The following GRM8 variants were observed in gnomAD, a reference collection of about 807,000 sequenced individuals.
The protein encoded by GRM8 is glutamate metabotropic receptor 8.
GRM8 carries 47 observed loss-of-function variants against 87.2 expected under a neutral mutation model. The ratio of observed to expected loss-of-function variants is 0.54; its 90% CI spans 0.43 to 0.69. GRM8 has a LOEUF of 0.69. GRM8 is among the 30% of genes least tolerant of loss of function. The probability of loss-of-function intolerance (pLI) is 0.00; values close to 1 mark genes in which losing one functional copy is unlikely to be tolerated. For synonymous variants in GRM8, 396 were observed against 404.5 expected, an observed-to-expected ratio of 0.98 and a Z score of 0.25; for missense variants, 1,019 against 1,139.2, an observed-to-expected ratio of 0.89 and a Z score of 1.52.
chr7:126,467,805 A>C (rs1260394855), intron 9 of GRM8, among the ~76,000 whole-genome samples: 1 of 152,104 alleles, frequency 6.6e-6, no homozygotes, highest in Non-Finnish European at 1.5e-5. Context: ...GCATACAAAT[A>C]TTCAGGCAAA....
intron 3 of GRM8, among the ~76,000 whole-genome samples, chr7:126,965,556 T>G (rs1004928323): frequency 1.2e-4 from 18 of 152,144 alleles, no homozygotes; most frequent in Non-Finnish European, 2.4e-4. Context: ...ATTTAAATTT[T>G]TAGTATAATA....
intron 3 of GRM8, among the ~76,000 whole-genome samples, chr7:127,017,969 T>C (rs750329708): frequency 6.6e-6 from 1 of 152,056 alleles, no homozygotes; most frequent in African/African-American, 2.4e-5. Context: ...CAAATATTTA[T>C]TGAGAATCCA....
At chr7:126,928,170 A>T (rs555536242) in intron 3 of GRM8, among the ~76,000 whole-genome samples, 1 of 141,306 alleles carries the variant, frequency 7.1e-6, no homozygotes. Context: ...TTGAACAATA[A>T]GAACACATGG....
At chr7:127,150,304 T>C (rs916503936) in intron 2 of GRM8, among the ~76,000 whole-genome samples, 2 of 152,024 alleles carry the variant, frequency 1.3e-5, no homozygotes, top group Admixed American at 1.3e-4. Context: ...GGCATTGCAA[T>C]GGCAGGGACT....
chr7:126,758,933 T>A (rs1035236653), intron 7 of GRM8, among the ~76,000 whole-genome samples: 1 of 152,130 alleles, frequency 6.6e-6, no homozygotes, highest in Admixed American at 6.6e-5. Flanking sequence ...AGTCTCCCTC[T>A]GTCACCCAGG....
chr7:127,082,960 G>A (rs1823032042), intron 3 of GRM8, among the ~76,000 whole-genome samples: 1 of 152,128 alleles, frequency 6.6e-6, no homozygotes, highest in South Asian at 2.1e-4. Flanking sequence ...CTTTAGTCAG[G>A]GTTCTCCACA....
chr7:126,600,239 A>T (rs747374106), intron 8 of GRM8, among the ~76,000 whole-genome samples: 1 of 152,156 alleles, frequency 6.6e-6, no homozygotes, highest in Non-Finnish European at 1.5e-5. Flanking sequence ...GATATCTGGA[A>T]ATACAGTTGA....
intron 3 of GRM8, chr7:127,058,042 T>C: frequency 2.6e-6 from 1 of 378,604 alleles, no homozygotes; most frequent in Non-Finnish European, 5.6e-6. Flanking sequence ...ATTGTAGATT[T>C]GTTGCTCAGT....
intron 7 of GRM8, among the ~76,000 whole-genome samples, chr7:126,619,159 T>C (rs962358970): frequency 6.6e-6 from 1 of 152,162 alleles, no homozygotes; most frequent in African/African-American, 2.4e-5. Flanking sequence ...ATTAAGAAAA[T>C]GTGGCACATA....
chr7:126,762,896 A>G (rs1817738333), intron 7 of GRM8, among the ~76,000 whole-genome samples: 1 of 152,000 alleles, frequency 6.6e-6, no homozygotes, highest in East Asian at 1.9e-4. Flanking sequence ...TTTAGTAACT[A>G]TAAATGTTTA....
chr7:127,029,621 T>C (rs1271100468), intron 3 of GRM8, among the ~76,000 whole-genome samples: 1 of 152,036 alleles, frequency 6.6e-6, no homozygotes, highest in African/African-American at 2.4e-5. Flanking sequence ...CTTTGTTGGT[T>C]TAAAGTCTGT....
intron 2 of GRM8, among the ~76,000 whole-genome samples, chr7:127,177,866 T>A (rs1794206094): frequency 6.6e-6 from 1 of 152,124 alleles, no homozygotes; most frequent in African/African-American, 2.4e-5. Flanking sequence ...CAGCCCTAGA[T>A]CTTCCCTCTG....
intron 8 of GRM8, among the ~76,000 whole-genome samples, chr7:126,544,138 G>T (rs949788955): frequency 6.6e-6 from 1 of 152,146 alleles, no homozygotes; most frequent in African/African-American, 2.4e-5. Context: ...ATCTGTTGAT[G>T]TGTTTATTTC....
At chr7:126,763,413 TA>T (rs66977109) in intron 7 of GRM8, among the ~76,000 whole-genome samples, 52,120 of 143,376 alleles carry the variant, frequency 0.36, 10,943 homozygotes, top group Non-Finnish European at 0.46. Flanking sequence ...CAGTGAGTTC[TA>T]AAAGCCACCA....
At chr7:126,582,378 G>A (rs1023882229) in intron 8 of GRM8, among the ~76,000 whole-genome samples, 1 of 152,100 alleles carries the variant, frequency 6.6e-6, no homozygotes, top group African/African-American at 2.4e-5. Flanking sequence ...CATAAGAAAA[G>A]CTCGAAGACA....
intron 7 of GRM8, among the ~76,000 whole-genome samples, chr7:126,635,790 A>C (rs953899141): frequency 6.6e-6 from 1 of 152,168 alleles, no homozygotes; most frequent in African/African-American, 2.4e-5. Flanking sequence ...ACTGCTACTC[A>C]GATCACAGAC....
chr7:126,693,823 C>G (rs61757776), intron 7 of GRM8, among the ~76,000 whole-genome samples: 6,649 of 152,058 alleles, frequency 0.044, 424 homozygotes, highest in African/African-American at 0.14. Flanking sequence ...TATTTCTTCT[C>G]AAAGTATTTT....
At chr7:127,052,611 A>G (rs1441648887) in intron 3 of GRM8, among the ~76,000 whole-genome samples, 1 of 152,208 alleles carries the variant, frequency 6.6e-6, no homozygotes, top group Non-Finnish European at 1.5e-5. Context: ...TCCCTGAGCA[A>G]TGAATTTCAC....
At chr7:126,670,682 T>G (rs186665665) in intron 7 of GRM8, among the ~76,000 whole-genome samples, 1 of 152,200 alleles carries the variant, frequency 6.6e-6, no homozygotes. Flanking sequence ...AGTACAGGAC[T>G]CATAAAGAGC....
Sources: allele counts gnomAD v4.1 joint callset (sites outside exome capture counted in the v4.1 genomes callset), GRCh38; gene constraint gnomAD v4.1.1; transcripts MANE v1.5; gene names NCBI Gene and HGNC (gene_info 2026-07-23, HGNC 2026-07-21).